Variants in WWOX observed in about 807,000 individuals in gnomAD.
WWOX encodes the protein WW domain-containing oxidoreductase.
WWOX carries 69 observed loss-of-function variants against 46.2 expected under a neutral mutation model. That is an observed-to-expected ratio of 1.49 (90% CI 1.23 to 1.82). The LOEUF is 1.82. WWOX is among the 40% of genes most tolerant of loss of function. The probability of loss-of-function intolerance (pLI) is 0.00; values close to 1 mark genes in which losing one functional copy is unlikely to be tolerated. For synonymous variants in WWOX, 359 were observed against 202.6 expected (o/e 1.77, Z -6.56); for missense variants, 919 against 542.6 (o/e 1.69, Z -6.89).
chr16:79,059,674 T>C (rs2048325432), intron 8 of WWOX, among the ~76,000 whole-genome samples: 1 of 152,144 alleles, frequency 6.6e-6, no homozygotes, highest in South Asian at 2.1e-4. Flanking sequence ...TTTTGTATTT[T>C]TAGTAGAGAT....
intron 5 of WWOX, among the ~76,000 whole-genome samples, chr16:78,360,579 C>A (rs2081386937): frequency 3.2e-5 from 1 of 31,152 alleles, no homozygotes; most frequent in Non-Finnish European, 7.5e-5. Context: ...GAGTGAGACT[C>A]TGTCTCAAAA....
intron 8 of WWOX, among the ~76,000 whole-genome samples, chr16:78,869,112 A>G (rs1407236468): frequency 6.6e-6 from 1 of 152,206 alleles, no homozygotes; most frequent in Non-Finnish European, 1.5e-5. Context: ...ATTAGTTTAG[A>G]ATGAAATTTT....
intron 8 of WWOX, among the ~76,000 whole-genome samples, chr16:79,077,193 A>G (rs1247211621): frequency 1.3e-5 from 2 of 152,188 alleles, no homozygotes; most frequent in Non-Finnish European, 2.9e-5. Context: ...CCTGACACCA[A>G]TCAGGAGCTT....
At chr16:78,232,649 A>G (rs1046630955) in intron 5 of WWOX, among the ~76,000 whole-genome samples, 7 of 152,226 alleles carry the variant, frequency 4.6e-5, no homozygotes, top group Non-Finnish European at 8.8e-5. Context: ...ATATATTTTT[A>G]TGGGAGAAAT....
intron 8 of WWOX, among the ~76,000 whole-genome samples, chr16:78,699,013 T>A (rs969596728): frequency 3.3e-5 from 5 of 152,344 alleles, no homozygotes; most frequent in Non-Finnish European, 7.3e-5. Context: ...AGACTTTTTT[T>A]TAAATAAAAT....
intron 3 of WWOX, among the ~76,000 whole-genome samples, chr16:78,114,377 G>C (rs757029476): frequency 6.6e-6 from 1 of 152,132 alleles, no homozygotes; most frequent in South Asian, 2.1e-4. Flanking sequence ...CGAGATTACA[G>C]GCGTGAGCCA....
Position 78,968,113 on chromosome 16 carries a change from CGCGTG to C in WWOX, c.1057-243492_1057-243488del, listed in dbSNP as rs1567446054. Among the ~76,000 whole-genome samples the C allele has an allele frequency of 5.2e-3, 348 of 66,454 alleles. 1 individual carries two copies. Among genetic ancestry groups the C allele is most frequent in the African/African-American group, 0.016 (280 of 17,646 alleles). 43.6% of individuals were successfully genotyped at this position (66,454 alleles called of 152,430 possible). On this transcript the variant is annotated intron_variant, in intron 8 of 8. Transcript: ENST00000566780. ...GGTCCGCATGGCACAGCGCGTGGTC[CGCGTG>C]GCACAGCGCGTGGTCCGTGTGGCAC...
At chr16:78,766,191 C>T (rs1452928028) in intron 8 of WWOX, among the ~76,000 whole-genome samples, 3 of 152,146 alleles carry the variant, frequency 2.0e-5, no homozygotes, top group Admixed American at 6.5e-5. Context: ...CGTGCCTTGG[C>T]CTTTTCTGGG....
chr16:78,229,990 C>T (rs961190293), intron 5 of WWOX, among the ~76,000 whole-genome samples: 1 of 152,124 alleles, frequency 6.6e-6, no homozygotes, highest in African/African-American at 2.4e-5. Flanking sequence ...AGCGATCCTT[C>T]TGCAACAGCC....
chr16:79,009,374 C>G (rs112308064), intron 8 of WWOX, among the ~76,000 whole-genome samples: 5 of 152,210 alleles, frequency 3.3e-5, no homozygotes, highest in Admixed American at 1.3e-4. Context: ...TTATGGAGCT[C>G]TAACTGGGGG....
At chr16:79,123,171 G>C (rs373263592) in intron 8 of WWOX, among the ~76,000 whole-genome samples, 4 of 152,094 alleles carry the variant, frequency 2.6e-5, no homozygotes, top group Non-Finnish European at 5.9e-5. Context: ...GTGAGAGGGA[G>C]GACACCGCTG....
chr16:78,816,591 T>C (rs1262408459), intron 8 of WWOX, among the ~76,000 whole-genome samples: 1 of 148,460 alleles, frequency 6.7e-6, no homozygotes, highest in Non-Finnish European at 1.5e-5. Flanking sequence ...TTTAAAAATT[T>C]TCATCTTTTG....
chr16:79,179,573 C>G (rs1340286037), intron 8 of WWOX, among the ~76,000 whole-genome samples: 2 of 152,206 alleles, frequency 1.3e-5, no homozygotes, highest in African/African-American at 4.8e-5. Context: ...ATGTTAGAAT[C>G]TAGGTGTGGA....
intron 6 of WWOX, among the ~76,000 whole-genome samples, chr16:78,398,229 C>G (rs761812558): frequency 6.6e-6 from 1 of 152,162 alleles, no homozygotes; most frequent in East Asian, 1.9e-4. Context: ...AGCTACACTT[C>G]CTGCTGTGGC....
intron 8 of WWOX, among the ~76,000 whole-genome samples, chr16:78,696,615 G>A (rs1366341437): frequency 1.3e-5 from 2 of 149,206 alleles, no homozygotes; most frequent in Non-Finnish European, 3.0e-5. Flanking sequence ...TGATAACCTT[G>A]CCCAGCTGTA....
At chr16:78,186,602 C>A (rs959632204) in intron 5 of WWOX, among the ~76,000 whole-genome samples, 3 of 152,022 alleles carry the variant, frequency 2.0e-5, no homozygotes, top group Non-Finnish European at 4.4e-5. Context: ...TGTCTCTACT[C>A]AAAATACAAA....
intron 8 of WWOX, among the ~76,000 whole-genome samples, chr16:78,598,986 G>A (rs568886290): frequency 6.6e-6 from 1 of 152,170 alleles, no homozygotes; most frequent in Non-Finnish European, 1.5e-5. Flanking sequence ...CCAGTAAGTG[G>A]CAGGGTCGGC....
chr16:79,165,954 T>C (rs1023751934), intron 8 of WWOX, among the ~76,000 whole-genome samples: 4 of 152,222 alleles, frequency 2.6e-5, no homozygotes, highest in African/African-American at 9.6e-5. Flanking sequence ...TCATAATGTT[T>C]TCTGGTAGTT....
At chr16:79,031,928 A>G (rs1289852199) in intron 8 of WWOX, among the ~76,000 whole-genome samples, 1 of 76,270 alleles carries the variant, frequency 1.3e-5, no homozygotes, top group Non-Finnish European at 3.5e-5. Context: ...ATATATATAG[A>G]TATCTGTATA....
Sources: allele counts gnomAD v4.1 joint callset (sites outside exome capture counted in the v4.1 genomes callset), GRCh38; gene constraint gnomAD v4.1.1; transcripts MANE v1.5; gene names NCBI Gene and HGNC (gene_info 2026-07-23, HGNC 2026-07-21).